Variants in ANKRD36C observed in about 807,000 individuals in gnomAD.
ANKRD36C encodes the protein ankyrin repeat domain-containing protein 36C.
A neutral mutation model predicts 276.4 loss-of-function variants in ANKRD36C; 61 were observed. The observed-to-expected ratio is 0.22, with a 90% CI of 0.18 to 0.27. The LOEUF (loss-of-function observed/expected upper bound fraction) is 0.27. ANKRD36C is among the 10% of genes least tolerant of loss of function. The pLI, the probability that ANKRD36C is intolerant of heterozygous loss-of-function variation, is 1.00. For missense variants in ANKRD36C, 1,447 were observed against 2,032.3 expected, an observed-to-expected ratio of 0.71 and a Z score of 5.54; for synonymous variants, 483 against 680.1, an observed-to-expected ratio of 0.71 and a Z score of 4.51.
At chr2:95,927,863 C>T (rs1251985081) in intron 26 of ANKRD36C, among the ~76,000 whole-genome samples, 13 of 151,576 alleles carry the variant, frequency 8.6e-5, no homozygotes, top group South Asian at 6.2e-4. Flanking sequence ...TACACAATTA[C>T]GATGACAATT....
chr2:95,893,389 C>T (rs540675505), intron 44 of ANKRD36C, 144 bp downstream of exon 64: 1 of 1,181,982 alleles, frequency 8.5e-7, no homozygotes, highest in Non-Finnish European at 1.2e-6. Flanking sequence ...TCAGCATCAC[C>T]CAAGAACTTA....
At chr2:95,989,028 C>G (rs1408524142) in intron 1 of ANKRD36C, among the ~76,000 whole-genome samples, 1 of 152,148 alleles carries the variant, frequency 6.6e-6, no homozygotes, top group East Asian at 1.9e-4. Context: ...AATTAGCTGG[C>G]CATGGTGGCA....
chr2:95,959,266 G>A (rs1678401746), intron 10 of ANKRD36C, among the ~76,000 whole-genome samples: 1 of 151,934 alleles, frequency 6.6e-6, no homozygotes, highest in Admixed American at 6.6e-5. Flanking sequence ...TGGCACTTTA[G>A]TTGAATGTAC....
At chr2:95,880,072 C>T (rs1402971968) in intron 58 of ANKRD36C, among the ~76,000 whole-genome samples, 16 of 138,650 alleles carry the variant, frequency 1.2e-4, no homozygotes, top group Admixed American at 3.7e-4. Flanking sequence ...CCCAGCTACT[C>T]GGGAGGCTGA....
rs538911164 is a variant in ANKRD36C at position 95,912,512 on chromosome 2, A to G, written c.2552-77T>C. 69 of 1,594,216 alleles carry G rather than the reference A, an allele frequency of 4.3e-5. 2 individuals are homozygous for G. In the South Asian group the frequency reaches 7.2e-4, roughly 17 times the overall value. ...ATCCATACATTCGCACAGTGTTAGC[A>G]TCAACCTCTGACCTCCTGCCTGTAT... is the stretch of plus-strand genomic sequence containing the variant. On this transcript the variant is annotated intron_variant, in intron 40 of 66. Coordinates refer to ENST00000456556, the Ensembl canonical transcript of ANKRD36C.
At chr2:95,886,351 G>A in intron 50 of ANKRD36C, 107 bp from the exon 71 acceptor site, 2 of 974,896 alleles carry the variant, frequency 2.1e-6, no homozygotes, top group Non-Finnish European at 3.0e-6. Context: ...AGTTATTAGT[G>A]TAGGCTTTGA....
chr2:95,929,074 G>A, exon 26 of ANKRD36C: 1 of 1,603,270 alleles, frequency 6.2e-7, no homozygotes, highest in African/African-American at 1.3e-5. Context: ...AAAATTACCT[G>A]TCCCAGATAT....
chr2:95,897,770 A>G (rs1358006253), intron 44 of ANKRD36C, among the ~76,000 whole-genome samples: 4 of 148,670 alleles, frequency 2.7e-5, no homozygotes, highest in Non-Finnish European at 6.0e-5. Context: ...GTGATCTAAA[A>G]TCAGAGGAGC....
chr2:95,924,459 C>T (rs1438160188), intron 30 of ANKRD36C, among the ~76,000 whole-genome samples: 1 of 151,518 alleles, frequency 6.6e-6, no homozygotes, highest in Non-Finnish European at 1.5e-5. Context: ...GGATATCAGT[C>T]CAATATTCAT....
chr2:95,966,620 T>C (rs1678596817), intron 6 of ANKRD36C, among the ~76,000 whole-genome samples: 1 of 152,174 alleles, frequency 6.6e-6, no homozygotes, highest in Admixed American at 6.5e-5. Context: ...TTGTTCTTTT[T>C]GCTTAGGATT....
intron 1 of ANKRD36C, among the ~76,000 whole-genome samples, chr2:95,990,889 A>T (rs953318607): frequency 1.3e-5 from 2 of 152,236 alleles, no homozygotes; most frequent in Non-Finnish European, 2.9e-5. Context: ...AAACGTGTAC[A>T]TTAAAAATAA....
chr2:95,852,303 C>T, intron 64 of ANKRD36C, 107 bp from the exon 85 acceptor site: 1 of 855,966 alleles, frequency 1.2e-6, no homozygotes. Context: ...CTATCAGAAT[C>T]TTTTTTATTT....
At chr2:95,870,988 C>T (rs1675796698) in intron 59 of ANKRD36C, among the ~76,000 whole-genome samples, 1 of 152,068 alleles carries the variant, frequency 6.6e-6, no homozygotes. Flanking sequence ...AAGAAACAAA[C>T]AAAGCCTCCA....
At chr2:95,928,988 G>A (rs927334219) in intron 26 of ANKRD36C, 84 bp downstream of exon 26, 20 of 1,581,598 alleles carry the variant, frequency 1.3e-5, no homozygotes, top group East Asian at 6.7e-5. Context: ...CAGCTTAGAC[G>A]AACTCCCCAC....
At chr2:95,866,790 G>A (rs1323410970) in intron 60 of ANKRD36C, among the ~76,000 whole-genome samples, 2 of 152,164 alleles carry the variant, frequency 1.3e-5, no homozygotes, top group African/African-American at 2.4e-5. Context: ...TGACTATCTC[G>A]ATGATGGTAA....
intron 60 of ANKRD36C, among the ~76,000 whole-genome samples, chr2:95,860,298 G>A (rs1232415505): frequency 6.6e-6 from 1 of 150,684 alleles, no homozygotes; most frequent in Admixed American, 6.6e-5. Context: ...AAAGGTGACA[G>A]TTATAAACTC....
chr2:95,911,983 T>C (rs559650434), intron 42 of ANKRD36C, among the ~76,000 whole-genome samples: 2 of 151,594 alleles, frequency 1.3e-5, no homozygotes, highest in East Asian at 3.9e-4. Context: ...AACTATGCTG[T>C]ACCCCAGAGC....
At chr2:95,876,994 A>G (rs941917190) in intron 58 of ANKRD36C, among the ~76,000 whole-genome samples, 7 of 149,312 alleles carry the variant, frequency 4.7e-5, no homozygotes, top group Non-Finnish European at 1.0e-4. Flanking sequence ...TTGGGGAGGC[A>G]CTAGATGTCA....
exon 63 of ANKRD36C, chr2:95,855,679 C>T (rs749947454): frequency 2.7e-5 from 44 of 1,611,642 alleles, no homozygotes; most frequent in South Asian, 2.3e-4. Flanking sequence ...AGCTCAGTTT[C>T]GAGGACTCTG....
Sources: allele counts gnomAD v4.1 joint callset (sites outside exome capture counted in the v4.1 genomes callset), GRCh38; gene constraint gnomAD v4.1.1; transcripts MANE v1.5; gene names NCBI Gene and HGNC (gene_info 2026-07-23, HGNC 2026-07-21).